The following PLXDC2 variants were observed in gnomAD, a reference collection of about 807,000 sequenced individuals.
PLXDC2 encodes plexin domain-containing protein 2.
In PLXDC2, 40 loss-of-function variants were observed where a neutral mutation model predicts 68.9. The observed-to-expected ratio is 0.58, with a 90% CI of 0.45 to 0.76. The LOEUF is 0.76. PLXDC2 is among the 30% of genes least tolerant of loss of function. The pLI, the probability that PLXDC2 is intolerant of heterozygous loss-of-function variation, is 0.00. For synonymous variants in PLXDC2, 243 were observed against 234.2 expected (o/e 1.04, Z -0.34); for missense variants, 644 against 661.9 (o/e 0.97, Z 0.30).
At chr10:20,045,959 G>T (rs184069543) in intron 2 of PLXDC2, among the ~76,000 whole-genome samples, 94 of 152,074 alleles carry the variant, frequency 6.2e-4, no homozygotes, top group Middle Eastern at 3.4e-3. Context: ...CACTGAGTGG[G>T]AACCATGAAG....
intron 9 of PLXDC2, among the ~76,000 whole-genome samples, chr10:20,198,115 C>T (rs1270108926): frequency 6.6e-6 from 1 of 152,080 alleles, no homozygotes; most frequent in Non-Finnish European, 1.5e-5. Flanking sequence ...AGAACATTCC[C>T]TAGGGAAGGC....
In PLXDC2 at chr10:20,126,338, A is replaced by G. The variant is rs201501872; in HGVS notation, c.542-16957A>G. ...TATATAATATATACATATACGTTAT[A>G]TAATACATATATACATATGTGTTAT... On this transcript the variant is annotated intron_variant, in intron 4 of 13. Transcript: ENST00000377252. Among the ~76,000 whole-genome samples, 108 of 141,406 alleles carry G rather than the reference A, an allele frequency of 7.6e-4. 5 individuals carry two copies. The East Asian group carries it at 8.2e-3, about 11-fold the overall frequency. The allele number at this position is 141,406 out of a possible 152,430, so 92.8% of individuals were successfully genotyped here. A position where few individuals can be genotyped will look rare whatever the true frequency, so the allele number is the denominator to read the frequency against.
At chr10:20,014,157 C>T (rs1317493329) in intron 2 of PLXDC2, among the ~76,000 whole-genome samples, 1 of 152,016 alleles carries the variant, frequency 6.6e-6, no homozygotes, top group Non-Finnish European at 1.5e-5. Flanking sequence ...TGATTTAGTA[C>T]ATTCAGAAGT....
At chr10:20,006,280 A>G (rs1835027726) in intron 2 of PLXDC2, among the ~76,000 whole-genome samples, 1 of 152,208 alleles carries the variant, frequency 6.6e-6, no homozygotes, top group Admixed American at 6.5e-5. Context: ...AAGAAACCAA[A>G]TGGTTATAAA....
chr10:20,162,681 A>G (rs550955831), intron 6 of PLXDC2, among the ~76,000 whole-genome samples: 74 of 152,194 alleles, frequency 4.9e-4, no homozygotes, highest in African/African-American at 1.6e-3. Context: ...AGTACTCAGC[A>G]TGGGGTATAA....
At chr10:20,228,298 C>T (rs972098398) in intron 12 of PLXDC2, among the ~76,000 whole-genome samples, 2 of 152,042 alleles carry the variant, frequency 1.3e-5, no homozygotes, top group Admixed American at 6.6e-5. Context: ...CGGTGGCTCA[C>T]GCCTGTAATC....
chr10:20,255,195 A>G (rs202227160), intron 13 of PLXDC2, among the ~76,000 whole-genome samples: 37 of 107,300 alleles, frequency 3.4e-4, no homozygotes, highest in Admixed American at 9.9e-4. Flanking sequence ...GTGGATGGAT[A>G]GATAGATAGA....
At chr10:20,071,642 C>T (rs1345871327) in intron 4 of PLXDC2, among the ~76,000 whole-genome samples, 3 of 152,162 alleles carry the variant, frequency 2.0e-5, no homozygotes, top group Non-Finnish European at 4.4e-5. Context: ...GTCCATTAAA[C>T]CTGTTTCCTT....
intron 7 of PLXDC2, among the ~76,000 whole-genome samples, chr10:20,164,968 A>C (rs1024748314): frequency 6.6e-6 from 1 of 151,984 alleles, no homozygotes; most frequent in African/African-American, 2.4e-5. Context: ...GGCATGCGCT[A>C]TCATGCTCAT....
chr10:20,144,967 A>T (rs979285779), intron 5 of PLXDC2, among the ~76,000 whole-genome samples: 1 of 152,200 alleles, frequency 6.6e-6, no homozygotes, highest in African/African-American at 2.4e-5. Flanking sequence ...AATGATTTTT[A>T]AAAATTGATG....
intron 1 of PLXDC2, among the ~76,000 whole-genome samples, chr10:19,963,486 A>G (rs183223111): frequency 1.7e-3 from 264 of 152,328 alleles, no homozygotes; most frequent in Non-Finnish European, 1.7e-3. Context: ...TCACATATAT[A>G]CCATGGGATA....
chr10:20,039,332 T>A (rs6482078), intron 2 of PLXDC2, among the ~76,000 whole-genome samples: 134,409 of 152,242 alleles, frequency 0.88, 59,580 homozygotes, highest in African/African-American at 0.93. Context: ...GTGGAGATGT[T>A]TATTTTACGG....
chr10:20,081,913 C>T (rs1323724779), intron 4 of PLXDC2, among the ~76,000 whole-genome samples: 9 of 151,606 alleles, frequency 5.9e-5, no homozygotes, highest in African/African-American at 2.2e-4. Flanking sequence ...GGCATGGTGG[C>T]GCATGCCTGT....
Position 20,168,648 on chromosome 10 carries a change from A to G in PLXDC2, c.883+4081A>G, listed in dbSNP as rs553493445. Among the ~76,000 whole-genome samples the G allele has an allele frequency of 2.6e-5, 4 of 152,220 alleles. No homozygotes were observed. The South Asian group carries it at 8.3e-4, about 32-fold the overall frequency. ...TAAATCTTTAGAAACAGAAAGAACC[A>G]TAGAAATCAGCTAATTCAACATCCA... On this transcript the variant is annotated intron_variant, in intron 7 of 13. Coordinates refer to ENST00000377252, the MANE Select transcript of PLXDC2 (RefSeq NM_032812.9).
At chr10:20,156,555 T>G (rs1389722859) in intron 6 of PLXDC2, among the ~76,000 whole-genome samples, 1 of 152,186 alleles carries the variant, frequency 6.6e-6, no homozygotes, top group Non-Finnish European at 1.5e-5. Context: ...GTAGCTTATG[T>G]AGAAAGGAAG....
intron 4 of PLXDC2, among the ~76,000 whole-genome samples, chr10:20,138,282 G>A (rs958777800): frequency 4.6e-5 from 7 of 152,028 alleles, no homozygotes; most frequent in Admixed American, 2.0e-4. Flanking sequence ...AGGACTTATC[G>A]GATAATTGTG....
rs571258946 is a variant in PLXDC2, at chr10:20,158,393, T to G, written c.784-6075T>G. 7.8e-4 allele frequency among the ~76,000 whole-genome samples: 116 copies of G among 149,676 alleles called. 1 individual carries two copies. Among genetic ancestry groups the G allele is most frequent in the Admixed American group, 3.0e-3 (45 of 14,886 alleles). On this transcript the variant is annotated intron_variant, in intron 6 of 13. Coordinates refer to ENST00000377252, the MANE Select transcript of PLXDC2 (RefSeq NM_032812.9). ...CTATACTTCTAAATAGCTATACTTC[T>G]AAATAGCTTGTTTATACATACACAT...
Position 19,885,123 on chromosome 10 carries a change from ATG to A in PLXDC2, c.112+67936_112+67937del, listed in dbSNP as rs1487845161. 2.0e-5 allele frequency among the ~76,000 whole-genome samples: 3 copies of A among 151,942 alleles called. No individual in the cohort carries two copies. The East Asian group carries it at 5.8e-4, about 29-fold the overall frequency. ...GGCCAGTGATGATGAGCATTTTTTC[ATG>A]TGTTTTTTGGCTGCATAAATGTCTT... is the stretch of plus-strand genomic sequence containing the variant. On this transcript the variant is annotated intron_variant, in intron 1 of 13. Coordinates refer to ENST00000377252, the MANE Select transcript of PLXDC2 (RefSeq NM_032812.9).
chr10:19,953,428 TTTG>T (rs1834022155), intron 1 of PLXDC2, among the ~76,000 whole-genome samples: 1 of 152,170 alleles, frequency 6.6e-6, no homozygotes, highest in Admixed American at 6.5e-5. Context: ...CACGTGCTTG[TTTG>T]TTAAGGGTAA....
Sources: gnomAD v4.1 joint callset for allele counts (sites outside exome capture counted in the v4.1 genomes callset) on GRCh38, gnomAD v4.1.1 for gene constraint, MANE v1.5 for transcripts, NCBI Gene and HGNC (gene_info 2026-07-23, HGNC 2026-07-21) for gene names.